DLC1: variants seen among roughly 807,000 people sequenced by gnomAD.
The protein encoded by DLC1 is DLC1 Rho GTPase activating protein, also known as rho GTPase-activating protein 7.
In DLC1, 54 loss-of-function variants were observed where a neutral mutation model predicts 140.3. The observed-to-expected ratio is 0.38, with a 90% CI of 0.31 to 0.48. DLC1 has a LOEUF of 0.48. DLC1 is among the 20% of genes least tolerant of loss of function. The probability of loss-of-function intolerance (pLI) is 0.96; values close to 1 mark genes in which losing one functional copy is unlikely to be tolerated. For missense variants in DLC1, 2,536 were observed against 1,907.0 expected (o/e 1.33, Z -6.14); for synonymous variants, 986 against 728.1 (o/e 1.35, Z -5.70).
chr8:13,521,271 G>A (rs1306355439), intron 1 of DLC1, among the ~76,000 whole-genome samples: 2 of 152,048 alleles, frequency 1.3e-5, no homozygotes, highest in East Asian at 3.9e-4. Flanking sequence ...GGGAGGGAGA[G>A]CATCAGGGTA....
rs1015110197 is a variant in DLC1, at chr8:13,155,648, A to G, written c.1349-39991T>C. On this transcript the variant is annotated intron_variant, in intron 5 of 17. Coordinates refer to ENST00000276297, the MANE Select transcript of DLC1 (RefSeq NM_182643.3). ...ATATTGTTTGCTATATTAAGTTGCA[A>G]TTTGAGGGTCTTCATTATGACTCTG... is the stretch of plus-strand genomic sequence containing the variant. Among the ~76,000 whole-genome samples the G allele has an allele frequency of 5.3e-5, 8 of 152,204 alleles. No homozygotes were observed. The East Asian group carries it at 9.7e-4, about 18-fold the overall frequency.
chr8:13,547,665 A>T (rs890216779), intron 1 of DLC1, among the ~76,000 whole-genome samples: 8 of 152,074 alleles, frequency 5.3e-5, no homozygotes, highest in African/African-American at 1.9e-4. Context: ...AAGGTTAGAA[A>T]ATACAACATC....
At chr8:13,404,800 C>T (rs1425949429) in intron 2 of DLC1, among the ~76,000 whole-genome samples, 1 of 152,014 alleles carries the variant, frequency 6.6e-6, no homozygotes, top group Non-Finnish European at 1.5e-5. Flanking sequence ...GAGTTGGAAA[C>T]CAGCCTGGCC....
At chr8:13,167,437 G>T (rs767032027) in intron 5 of DLC1, among the ~76,000 whole-genome samples, 11 of 152,090 alleles carry the variant, frequency 7.2e-5, no homozygotes, top group Non-Finnish European at 1.6e-4. Flanking sequence ...TTTAGCCGAG[G>T]TCCTTTCCCT....
intron 2 of DLC1, among the ~76,000 whole-genome samples, chr8:13,413,562 G>T (rs182953788): frequency 6.6e-6 from 1 of 151,890 alleles, no homozygotes; most frequent in Admixed American, 6.6e-5. Context: ...ATATGGTTTG[G>T]CTTTGTGCCC....
At chr8:13,450,782 T>C (rs1013560977) in intron 2 of DLC1, among the ~76,000 whole-genome samples, 1 of 151,824 alleles carries the variant, frequency 6.6e-6, no homozygotes, top group African/African-American at 2.4e-5. Flanking sequence ...GGCTCATGCC[T>C]GTAATCCTAG....
intron 5 of DLC1, among the ~76,000 whole-genome samples, chr8:13,234,950 A>C (rs1394031382): frequency 1.3e-5 from 2 of 152,100 alleles, no homozygotes; most frequent in African/African-American, 4.8e-5. Context: ...CCTTAGTAAA[A>C]GTATGGAGAG....
chr8:13,333,535 C>T (rs893679000), intron 4 of DLC1, among the ~76,000 whole-genome samples: 3 of 152,106 alleles, frequency 2.0e-5, no homozygotes, highest in Admixed American at 6.6e-5. Context: ...CAGGTGTAAA[C>T]GATCATGGCT....
chr8:13,190,749 G>T (rs71522332), intron 5 of DLC1, among the ~76,000 whole-genome samples: 2,617 of 152,188 alleles, frequency 0.017, 70 homozygotes, highest in African/African-American at 0.059. Context: ...GCGTGGGCCC[G>T]AGAGGTGAGT....
At chr8:13,469,108 C>T (rs59431584) in intron 2 of DLC1, among the ~76,000 whole-genome samples, 52,397 of 151,886 alleles carry the variant, frequency 0.34, 9,402 homozygotes, top group Middle Eastern at 0.48. Context: ...CGTGAGCCAC[C>T]GCGCCCAGCC....
chr8:13,195,979 AAAG>A (rs1271965653), intron 5 of DLC1, among the ~76,000 whole-genome samples: 1 of 152,208 alleles, frequency 6.6e-6, no homozygotes, highest in Non-Finnish European at 1.5e-5. Context: ...CAAGAAGAGA[AAAG>A]AAATAATGTA....
At chr8:13,153,956 C>G (rs918771175) in intron 5 of DLC1, among the ~76,000 whole-genome samples, 1 of 152,150 alleles carries the variant, frequency 6.6e-6, no homozygotes, top group African/African-American at 2.4e-5. Flanking sequence ...GTTTACAAAC[C>G]TTGAGCTAGA....
chr8:13,580,637 G>T (rs1179492063), intron 1 of DLC1, among the ~76,000 whole-genome samples: 3 of 152,162 alleles, frequency 2.0e-5, no homozygotes, highest in Non-Finnish European at 2.9e-5. Context: ...CAAAACTGAC[G>T]ATTGATGCAT....
chr8:13,275,034 C>A (rs776890298), intron 5 of DLC1, among the ~76,000 whole-genome samples: 4 of 152,142 alleles, frequency 2.6e-5, no homozygotes, highest in Non-Finnish European at 4.4e-5. Context: ...GCCACATTTT[C>A]CTCTAAACAA....
rs556252061 is a variant in DLC1 at position 13,221,706 on chromosome 8, G to T, written c.1348+83563C>A. On this transcript the variant is annotated intron_variant, in intron 5 of 17. Coordinates refer to ENST00000276297, the MANE Select transcript of DLC1 (RefSeq NM_182643.3). The stretch of plus-strand genomic sequence containing the variant: ...TGTGTGTGTGTGTGTGTATATGTGT[G>T]TGTATATGTGTGTGTGTGTGTATAT... 3.6e-3 allele frequency among the ~76,000 whole-genome samples: 428 copies of T among 119,692 alleles called. 3 individuals are homozygous for T. The highest frequency in any genetic ancestry group is 0.012 in the African/African-American group (369 of 30,432). The allele number at this position is 119,692 out of a possible 152,430, so 78.5% of individuals were successfully genotyped here.
rs531757845 is a variant in DLC1, at chr8:13,117,137, G to T, written c.1349-1480C>A. On this transcript the variant is annotated intron_variant, in intron 5 of 17. Coordinates refer to ENST00000276297, the MANE Select transcript of DLC1 (RefSeq NM_182643.3). Reference sequence around the variant, plus strand: ...TAGACACTTCCTAGAAAACTATATTGCTGGAAAAACATATACAAGCTCAAT... The same window carrying T: ...TAGACACTTCCTAGAAAACTATATTTCTGGAAAAACATATACAAGCTCAAT... 5.3e-4 allele frequency among the ~76,000 whole-genome samples: 80 copies of T among 152,198 alleles called. 1 individual carries two copies. The South Asian group carries it at 0.016, about 31-fold the overall frequency.
chr8:13,472,400 T>TA (rs576646462), intron 2 of DLC1, among the ~76,000 whole-genome samples: 87 of 152,366 alleles, frequency 5.7e-4, no homozygotes, highest in African/African-American at 1.3e-3. Context: ...TTTCTGTTTT[T>TA]ATCCAATGTT....
chr8:13,133,377 C>G (rs1243823306), intron 5 of DLC1: 3 of 984,704 alleles, frequency 3.0e-6, no homozygotes, highest in Non-Finnish European at 3.7e-6. Flanking sequence ...GCCTCCTCCC[C>G]GCTGTCTGGG....
At chr8:13,429,575 T>A (rs949772096) in intron 2 of DLC1, among the ~76,000 whole-genome samples, 2 of 152,204 alleles carry the variant, frequency 1.3e-5, no homozygotes, top group African/African-American at 4.8e-5. Context: ...GGCATTGAGC[T>A]TCCTAGCAGT....
Sources: allele counts gnomAD v4.1 joint callset (sites outside exome capture counted in the v4.1 genomes callset), GRCh38; gene constraint gnomAD v4.1.1; transcripts MANE v1.5; gene names NCBI Gene and HGNC (gene_info 2026-07-23, HGNC 2026-07-21).